Variants in FGF13 observed in about 807,000 individuals in gnomAD.
FGF13 encodes the protein fibroblast growth factor homologous factor 2.
FGF13 carries 2 observed loss-of-function variants against 19.5 expected under a neutral mutation model. The ratio of observed to expected loss-of-function variants is 0.10; its 90% confidence interval spans 0.04 to 0.32. FGF13 has a LOEUF of 0.32. Among genes scored for constraint, FGF13 ranks in the 10% least tolerant of loss-of-function variants. FGF13 has a pLI of 1.00. For missense variants in FGF13, 113 were observed against 192.7 expected (o/e 0.59, Z 2.45); for synonymous variants, 72 against 76.9 (o/e 0.94, Z 0.33).
At chrX:138,749,086 AC>A (rs979718365) in intron 3 of FGF13, among the ~76,000 whole-genome samples, 2 of 111,184 alleles carry the variant, frequency 1.8e-5, no homozygotes, top group African/African-American at 6.6e-5. Flanking sequence ...ATAAACAGGC[AC>A]TTTCAATGCA....
chrX:138,642,129 G>C (rs185004030), intron 3 of FGF13, among the ~76,000 whole-genome samples: 13 of 106,529 alleles, frequency 1.2e-4, no homozygotes, highest in Middle Eastern at 4.7e-3. Context: ...AAGGAGGAAA[G>C]TGGCCTAGAG....
intron 1 of FGF13, among the ~76,000 whole-genome samples, chrX:138,912,118 A>G (rs1023152543): frequency 2.7e-5 from 3 of 111,597 alleles, no homozygotes; most frequent in African/African-American, 9.8e-5. Context: ...CCTGAAATCC[A>G]TAATTCCTTT....
intron 1 of FGF13, among the ~76,000 whole-genome samples, chrX:139,190,392 C>A (rs866307401): frequency 1.9e-5 from 2 of 106,808 alleles, no homozygotes; most frequent in Non-Finnish European, 3.9e-5. Context: ...AAAAAAAAAA[C>A]AGAAAAATAC....
chrX:138,832,541 C>A (rs1490849385), intron 3 of FGF13, among the ~76,000 whole-genome samples: 1 of 111,583 alleles, frequency 9.0e-6, no homozygotes, highest in Non-Finnish European at 1.9e-5. Flanking sequence ...TGTTTAAGTA[C>A]CTTATAGATG....
chrX:138,946,566 T>G (rs1388074051), intron 1 of FGF13, among the ~76,000 whole-genome samples: 1 of 112,017 alleles, frequency 8.9e-6, no homozygotes, highest in South Asian at 3.7e-4. Flanking sequence ...ATATGGAAAG[T>G]GGATATAACA....
intron 1 of FGF13, among the ~76,000 whole-genome samples, chrX:138,913,666 AAGGAAGGAAGG>A (rs2091602323): frequency 2.1e-5 from 2 of 97,472 alleles, no homozygotes; most frequent in African/African-American, 8.0e-5. Context: ...GGAAGGAAGG[AAGGAAGGAAGG>A]AAGGAAGGAA....
At chrX:138,914,636 C>CTTTTTTT (rs34940979) in intron 1 of FGF13, among the ~76,000 whole-genome samples, 1 of 76,988 alleles carries the variant, frequency 1.3e-5, no homozygotes, top group African/African-American at 5.1e-5. Flanking sequence ...TTGTGTTGGA[C>CTTTTTTT]TTTTTTTTTT....
At chrX:138,739,914 T>C (rs1443528291), upstream of FGF13, among the ~76,000 whole-genome samples, 1 of 112,238 alleles carries the variant, frequency 8.9e-6, no homozygotes, top group Non-Finnish European at 1.9e-5. Flanking sequence ...AAGTCCCTTG[T>C]TAAAAATTCA....
chrX:139,091,219 A>G (rs190467422), intron 1 of FGF13, among the ~76,000 whole-genome samples: 83 of 111,113 alleles, frequency 7.5e-4, no homozygotes, highest in African/African-American at 2.4e-3. Context: ...AAGGCCTTGA[A>G]AAGCAAACTT....
At chrX:138,890,151 A>C (rs1365921372) in intron 1 of FGF13, among the ~76,000 whole-genome samples, 1 of 109,121 alleles carries the variant, frequency 9.2e-6, no homozygotes, top group Non-Finnish European at 1.9e-5. Flanking sequence ...CTGGTCTCAA[A>C]CTCCTGACCT....
chrX:138,801,539 TCC>T (rs1356129586), intron 3 of FGF13, among the ~76,000 whole-genome samples: 2 of 111,793 alleles, frequency 1.8e-5, no homozygotes, highest in African/African-American at 6.5e-5. Flanking sequence ...GGGAGGTGTC[TCC>T]CAGTCAGGAG....
At chrX:139,204,178 A>G, upstream of FGF13, 6 of 1,016,871 alleles carry the variant, frequency 5.9e-6, no homozygotes, top group Non-Finnish European at 6.9e-6. Flanking sequence ...GACTTGGGAG[A>G]GTGCTTAGGG....
At position 138,618,073 on chromosome X, in the gene FGF13, T is replaced by C. The variant is rs1353499422; in HGVS notation, c.*14777A>G. 1.8e-5 allele frequency: 2 copies of C among 112,227 alleles called. 1 individual carries two copies. The highest frequency in any genetic ancestry group is 6.5e-5 in the African/African-American group (2 of 30,895). 9.2% of individuals were successfully genotyped at this position (112,227 alleles called of 1,213,427 possible). A position where few individuals can be genotyped will look rare whatever the true frequency, so the allele number is the denominator to read the frequency against. ...AGATATTGGGGTGATGTCAGCAAGA[T>C]GGCAGAACAGGAATTTTCTCCTGTC... is the stretch of plus-strand genomic sequence containing the variant. On this transcript the variant is annotated 3_prime_UTR_variant, in exon 5 of 5. Coordinates refer to ENST00000315930, the MANE Select transcript of FGF13 (RefSeq NM_004114.5).
intron 3 of FGF13, among the ~76,000 whole-genome samples, chrX:138,833,922 G>A (rs1300090871): frequency 8.9e-6 from 1 of 111,770 alleles, no homozygotes; most frequent in African/African-American, 3.3e-5. Flanking sequence ...TAATCATGTG[G>A]TTTTTGTCTT....
chrX:138,723,956 G>T (rs372524362), intron 1 of FGF13, among the ~76,000 whole-genome samples: 2 of 111,358 alleles, frequency 1.8e-5, no homozygotes, highest in East Asian at 5.7e-4. Flanking sequence ...TTTTTATCAG[G>T]TAAGAAAATT....
intron 1 of FGF13, among the ~76,000 whole-genome samples, chrX:139,026,231 C>T (rs1242950199): frequency 9.0e-6 from 1 of 110,996 alleles, no homozygotes; most frequent in Non-Finnish European, 1.9e-5. Flanking sequence ...TTATGTGATA[C>T]AATTTTATTT....
chrX:138,960,743 T>A (rs761751288), intron 1 of FGF13, among the ~76,000 whole-genome samples: 1 of 111,857 alleles, frequency 8.9e-6, no homozygotes, highest in South Asian at 3.8e-4. Flanking sequence ...CTCTTCTCAC[T>A]TCATTTCATT....
intron 1 of FGF13, among the ~76,000 whole-genome samples, chrX:139,163,357 A>G (rs1168053095): frequency 9.0e-6 from 1 of 110,510 alleles, no homozygotes; most frequent in Non-Finnish European, 1.9e-5. Flanking sequence ...ACACATGGAC[A>G]CAGGAAGGGG....
At position 138,628,641 on chromosome X, in the gene FGF13, A is replaced by G. The variant is rs1393615983; in HGVS notation, c.*4209T>C. 8.9e-6 allele frequency: 1 copy of G among 112,476 alleles called. No individual in the cohort carries two copies. The highest frequency in any genetic ancestry group is 1.9e-5 in the Non-Finnish European group (1 of 53,335). The allele number at this position is 112,476 out of a possible 1,213,427, so 9.3% of individuals were successfully genotyped here. ...TCTGATCCCACCACCCCTTATCCAC[A>G]GCATAGTTATGGTCAGCTGATGTAG... On this transcript the variant is annotated 3_prime_UTR_variant, in exon 5 of 5. Coordinates refer to ENST00000315930, the MANE Select transcript of FGF13 (RefSeq NM_004114.5).
Sources: allele counts gnomAD v4.1 joint callset (sites outside exome capture counted in the v4.1 genomes callset), GRCh38; gene constraint gnomAD v4.1.1; transcripts MANE v1.5; gene names NCBI Gene and HGNC (gene_info 2026-07-23, HGNC 2026-07-21).